Variants in NETO2 observed in about 807,000 individuals in gnomAD.
The protein encoded by NETO2 is neuropilin and tolloid like 2.
In NETO2, 28 loss-of-function variants were observed where a neutral mutation model predicts 62.5. The observed-to-expected ratio is 0.45, with a 90% CI of 0.33 to 0.61. NETO2 has a LOEUF of 0.61. NETO2 is among the 20% of genes least tolerant of loss of function. The probability of loss-of-function intolerance (pLI) is 0.02; values close to 1 mark genes in which losing one functional copy is unlikely to be tolerated. For synonymous variants in NETO2, 214 were observed against 219.1 expected (o/e 0.98, Z 0.21); for missense variants, 548 against 643.2 (o/e 0.85, Z 1.60).
chr16:47,097,664 C>T (rs182784860), intron 7 of NETO2, among the ~76,000 whole-genome samples: 3 of 152,324 alleles, frequency 2.0e-5, no homozygotes, highest in East Asian at 1.9e-4. Flanking sequence ...GCACAGCACT[C>T]GAGCTCTCCT....
At chr16:47,126,533 T>A (rs983901074) in intron 4 of NETO2, among the ~76,000 whole-genome samples, 2 of 152,138 alleles carry the variant, frequency 1.3e-5, no homozygotes, top group Non-Finnish European at 2.9e-5. Flanking sequence ...CTGTTCTGTA[T>A]GGTTCTGTAA....
At chr16:47,088,531 G>A (rs556003500) in intron 7 of NETO2, among the ~76,000 whole-genome samples, 1 of 152,202 alleles carries the variant, frequency 6.6e-6, no homozygotes, top group Admixed American at 6.5e-5. Flanking sequence ...ATCGAATATT[G>A]CTCTATGTTA....
intron 1 of NETO2, among the ~76,000 whole-genome samples, chr16:47,137,270 G>A (rs1964377011): frequency 1.3e-5 from 2 of 152,172 alleles, no homozygotes; most frequent in South Asian, 4.1e-4. Context: ...ACAGATGGGA[G>A]TACTTTCAGA....
At chr16:47,130,542 AAAAC>A (rs1400476706) in intron 2 of NETO2, among the ~76,000 whole-genome samples, 1 of 152,000 alleles carries the variant, frequency 6.6e-6, no homozygotes, top group East Asian at 1.9e-4. Flanking sequence ...CCACCACCAC[AAAAC>A]AATCATTTAA....
intron 1 of NETO2, among the ~76,000 whole-genome samples, chr16:47,136,257 AC>A (rs1964359871): frequency 6.6e-6 from 1 of 152,228 alleles, no homozygotes; most frequent in Admixed American, 6.5e-5. Flanking sequence ...TCTGTTAAAT[AC>A]ATGCAGGAAC....
At chr16:47,111,893 T>C (rs1161047461) in intron 6 of NETO2, among the ~76,000 whole-genome samples, 1 of 152,186 alleles carries the variant, frequency 6.6e-6, no homozygotes, top group East Asian at 1.9e-4. Flanking sequence ...GACACTTTTA[T>C]TTCTCAATTG....
intron 1 of NETO2, among the ~76,000 whole-genome samples, chr16:47,141,460 TA>T (rs796841662): frequency 1.2e-3 from 176 of 142,412 alleles, no homozygotes; most frequent in Middle Eastern, 3.6e-3. Context: ...ATGCGTTTGG[TA>T]AAAAAAAAAA....
chr16:47,128,255 T>G, intron 4 of NETO2, 70 bp downstream of exon 4: 1 of 1,520,844 alleles, frequency 6.6e-7, no homozygotes, highest in East Asian at 2.3e-5. Flanking sequence ...ATCTCTTTTC[T>G]AACCTTAAGA....
Position 47,143,841 on chromosome 16 carries a change from C to A in NETO2, c.-229G>T. 1 of 413,030 alleles carries A rather than the reference C, an allele frequency of 2.4e-6. No homozygotes were observed. Among genetic ancestry groups the A allele is most frequent in the Non-Finnish European group, 3.7e-6 (1 of 268,006 alleles). 25.6% of individuals were successfully genotyped at this position (413,030 alleles called of 1,614,324 possible). On this transcript the variant is annotated 5_prime_UTR_variant, in exon 1 of 9. Coordinates refer to ENST00000562435, the MANE Select transcript of NETO2 (RefSeq NM_018092.5). ...CCGACGGGCGCCGCCTCCTGCTCCG[C>A]GGCGCCCCGTCCCATCGACCGCCCG... is the stretch of plus-strand genomic sequence containing the variant.
At chr16:47,139,402 C>T (rs1030266367) in intron 1 of NETO2, among the ~76,000 whole-genome samples, 2 of 152,170 alleles carry the variant, frequency 1.3e-5, no homozygotes, top group African/African-American at 4.8e-5. Flanking sequence ...TTATTTTCCT[C>T]AAGCTGGCTC....
intron 7 of NETO2, among the ~76,000 whole-genome samples, chr16:47,089,523 T>C (rs1963268944): frequency 6.6e-6 from 1 of 152,220 alleles, no homozygotes; most frequent in Non-Finnish European, 1.5e-5. Flanking sequence ...AAATGATGTA[T>C]ATATCTAATA....
intron 7 of NETO2, among the ~76,000 whole-genome samples, chr16:47,096,604 T>C (rs949920502): frequency 5.9e-5 from 9 of 151,674 alleles, no homozygotes; most frequent in Admixed American, 4.6e-4. Context: ...CCAAAGAAAA[T>C]CTGAATAGGC....
chr16:47,136,921 T>C (rs1181747899), intron 1 of NETO2, among the ~76,000 whole-genome samples: 2 of 151,738 alleles, frequency 1.3e-5, no homozygotes, highest in Non-Finnish European at 2.9e-5. Context: ...GACAGACACA[T>C]AAATAAAAAC....
chr16:47,113,726 G>C (rs915927834), intron 6 of NETO2, among the ~76,000 whole-genome samples: 5 of 151,458 alleles, frequency 3.3e-5, no homozygotes, highest in African/African-American at 1.2e-4. Flanking sequence ...CAAGTAGCTG[G>C]GATTACAGGC....
chr16:47,136,525 T>C (rs1484642392), intron 1 of NETO2, among the ~76,000 whole-genome samples: 1 of 152,168 alleles, frequency 6.6e-6, no homozygotes, highest in Non-Finnish European at 1.5e-5. Context: ...CGTACCTCAG[T>C]TTCCTGAGTA....
In NETO2 at chr16:47,083,501, C is replaced by T. The variant is rs1221720263; in HGVS notation, c.1298G>A (p.Arg433His). Residue 433 changes from arginine to histidine, a missense_variant, in exon 9 of 9, where the codon CGC (arginine) becomes CAC (histidine). Transcript: ENST00000562435. ...CCCACAGTGGTGGTCGTGGATGCAG[C>T]GGGAGGCGGTGGAGGAGCGCCGCAT... ...QKMRRSSTAS[R>H]CIHDHHCGSQ... 3.7e-6 allele frequency: 6 copies of T among 1,614,184 alleles called. No homozygotes were observed. Among genetic ancestry groups the T allele is most frequent in the South Asian group, 1.1e-5 (1 of 91,080 alleles).
At chr16:47,087,054 G>C (rs1022878922) in intron 7 of NETO2, among the ~76,000 whole-genome samples, 1 of 149,038 alleles carries the variant, frequency 6.7e-6, no homozygotes, top group African/African-American at 2.5e-5. Flanking sequence ...TTTTGAGATG[G>C]AGTCTCACTC....
In NETO2 at chr16:47,083,592, G is replaced by C; in HGVS notation, c.1207C>G (p.Leu403Val). 1.2e-6 allele frequency: 2 copies of C among 1,614,156 alleles called. No individual in the cohort carries two copies. Among genetic ancestry groups the C allele is most frequent in the East Asian group, 4.5e-5 (2 of 44,872 alleles). ...TCTGCAGAAATCTCTTTGTCCCTTAGTGAAAACAGTTCATAATGAGGAGGA... is the reference window on the plus strand; with the variant it reads ...TCTGCAGAAATCTCTTTGTCCCTTACTGAAAACAGTTCATAATGAGGAGGA... ...FDPPHYELFS[L>V]RDKEISADLA... Residue 403 changes from leucine to valine, a missense_variant, in exon 9 of 9, where the codon CTA becomes GTA. Leu to Val is a conservative substitution (Grantham distance 32). Coordinates refer to ENST00000562435, the MANE Select transcript of NETO2 (RefSeq NM_018092.5).
At chr16:47,114,439 CTTTTT>C (rs33994080) in intron 6 of NETO2, among the ~76,000 whole-genome samples, 3 of 37,928 alleles carry the variant, frequency 7.9e-5, no homozygotes, top group East Asian at 7.8e-4. Flanking sequence ...TTATAAATTT[CTTTTT>C]TTTTTTTTTT....
Sources: gnomAD v4.1 joint callset for allele counts (sites outside exome capture counted in the v4.1 genomes callset) on GRCh38, gnomAD v4.1.1 for gene constraint, MANE v1.5 for transcripts, NCBI Gene and HGNC (gene_info 2026-07-23, HGNC 2026-07-21) for gene names.